Variants in CPA3 observed in about 807,000 individuals in gnomAD.
CPA3 encodes carboxypeptidase A3.
In CPA3, 52 loss-of-function variants were observed where a neutral mutation model predicts 55.8. That is an observed-to-expected ratio of 0.93 (90% CI 0.75 to 1.17). The LOEUF (loss-of-function observed/expected upper bound fraction) is 1.17. Ranked by LOEUF, CPA3 falls within the 50% of genes most tolerant of loss-of-function variation. The probability of loss-of-function intolerance (pLI) is 0.00; values close to 1 mark genes in which losing one functional copy is unlikely to be tolerated. For missense variants in CPA3, 547 were observed against 509.1 expected (o/e 1.07, Z -0.72); for synonymous variants, 179 against 171.2 (o/e 1.05, Z -0.36).
At chr3:148,883,847 C>T (rs755572535) in intron 9 of CPA3, 32 bp downstream of exon 9, 5 of 1,462,788 alleles carry the variant, frequency 3.4e-6, no homozygotes, top group South Asian at 1.1e-5. Context: ...CTTCATGCAT[C>T]GACAATACCA....
intron 7 of CPA3, 125 bp from the exon 8 acceptor site, chr3:148,882,380 G>A (rs1373987720): frequency 1.0e-5 from 6 of 594,554 alleles, no homozygotes; most frequent in African/African-American, 1.9e-5. Context: ...TTATAATAAA[G>A]GGCCTCAAGT....
chr3:148,873,375 G>A (rs949769677), intron 3 of CPA3, among the ~76,000 whole-genome samples: 58 of 118,972 alleles, frequency 4.9e-4, no homozygotes, highest in Admixed American at 1.0e-3. Flanking sequence ...GCGCGCACAC[G>A]CGCACACACA....
chr3:148,892,198 T>C (rs1170975387), intron 10 of CPA3, among the ~76,000 whole-genome samples: 1 of 152,114 alleles, frequency 6.6e-6, no homozygotes, highest in Non-Finnish European at 1.5e-5. Context: ...CCTCAGGTTC[T>C]CTCCTCAGGT....
chr3:148,879,328 A>G (rs1272168424), intron 5 of CPA3, among the ~76,000 whole-genome samples: 1 of 152,182 alleles, frequency 6.6e-6, no homozygotes, highest in African/African-American at 2.4e-5. Context: ...ACTCTCTTCA[A>G]AATGACAGCC....
intron 5 of CPA3, 103 bp from the exon 6 acceptor site, chr3:148,879,685 A>T: frequency 1.3e-6 from 1 of 756,742 alleles, no homozygotes; most frequent in Non-Finnish European, 2.3e-6. Flanking sequence ...TCAACAATAG[A>T]CAGGGGAAAT....
chr3:148,891,258 T>C (rs4681161), intron 10 of CPA3, among the ~76,000 whole-genome samples: 66,688 of 152,020 alleles, frequency 0.44, 16,730 homozygotes, highest in Non-Finnish European at 0.56. Context: ...ATTTTATAAA[T>C]GCATACACAT....
intron 2 of CPA3, among the ~76,000 whole-genome samples, chr3:148,866,298 T>G (rs1713898489): frequency 6.6e-6 from 1 of 152,202 alleles, no homozygotes; most frequent in East Asian, 1.9e-4. Context: ...CCCTGCCTAT[T>G]CTAACTCCCA....
intron 10 of CPA3, 118 bp from the exon 11 acceptor site, chr3:148,896,402 A>T: frequency 1.3e-6 from 1 of 741,774 alleles, no homozygotes; most frequent in Non-Finnish European, 2.1e-6. Flanking sequence ...CTCATTCATT[A>T]CTGCAATTAA....
At chr3:148,887,793 G>T (rs1192318808) in intron 10 of CPA3, among the ~76,000 whole-genome samples, 1 of 152,166 alleles carries the variant, frequency 6.6e-6, no homozygotes, top group Non-Finnish European at 1.5e-5. Context: ...TTATGCTTCA[G>T]ATTTCCTCTT....
At chr3:148,876,052 C>G (rs1010665164) in intron 3 of CPA3, among the ~76,000 whole-genome samples, 6 of 151,642 alleles carry the variant, frequency 4.0e-5, no homozygotes, top group Non-Finnish European at 7.4e-5. Context: ...ACAGAAAATA[C>G]CCTAAAAACA....
intron 10 of CPA3, among the ~76,000 whole-genome samples, chr3:148,891,540 T>C (rs796185967): frequency 9.2e-5 from 14 of 152,026 alleles, no homozygotes; most frequent in South Asian, 4.1e-4. Context: ...ACAAATTCTA[T>C]ATTTTTTTCT....
chr3:148,885,215 G>A (rs1329763584), intron 9 of CPA3, among the ~76,000 whole-genome samples: 1 of 151,758 alleles, frequency 6.6e-6, no homozygotes, highest in African/African-American at 2.4e-5. Context: ...TAGGGACCAA[G>A]GAATGTAAAA....
chr3:148,884,417 G>C (rs1462600928), intron 9 of CPA3, among the ~76,000 whole-genome samples: 1 of 152,154 alleles, frequency 6.6e-6, no homozygotes, highest in Non-Finnish European at 1.5e-5. Context: ...TGAATCACAG[G>C]AAGTGACAGA....
intron 10 of CPA3, among the ~76,000 whole-genome samples, chr3:148,886,641 G>T (rs1032722643): frequency 1.3e-5 from 2 of 152,152 alleles, no homozygotes; most frequent in African/African-American, 4.8e-5. Flanking sequence ...ACTGCCATGA[G>T]CTGTGATCGT....
chr3:148,882,621 A>C, intron 8 of CPA3, 26 bp downstream of exon 8: 2 of 1,582,636 alleles, frequency 1.3e-6, no homozygotes, highest in Non-Finnish European at 1.7e-6. Context: ...GCTATCAAGG[A>C]AAATTGCTAT....
At chr3:148,882,384 C>A in intron 7 of CPA3, 121 bp from the exon 8 acceptor site, 2 of 626,382 alleles carry the variant, frequency 3.2e-6, no homozygotes, top group Non-Finnish European at 5.5e-6. Context: ...AATAAAGGGC[C>A]TCAAGTTAAC....
intron 9 of CPA3, among the ~76,000 whole-genome samples, chr3:148,884,437 T>G (rs1714469074): frequency 6.6e-6 from 1 of 152,078 alleles, no homozygotes; most frequent in South Asian, 2.1e-4. Flanking sequence ...AGTGAATGGG[T>G]GCATAGAGGG....
At chr3:148,872,176 A>T (rs936605890) in intron 3 of CPA3, among the ~76,000 whole-genome samples, 4 of 152,242 alleles carry the variant, frequency 2.6e-5, no homozygotes, top group Admixed American at 2.6e-4. Context: ...TTACAAAATC[A>T]TAAAAGGCCA....
At position 148,883,741 on chromosome 3, in the gene CPA3, T is replaced by C; in HGVS notation, c.907T>C (p.Phe303Leu). ...HLNEIKVYITFHSYSQMLLFP... is the reference protein window; with the variant it reads ...HLNEIKVYITLHSYSQMLLFP... ...GAATGAAATCAAGGTTTACATCACC[T>C]TCCATTCCTACTCCCAGATGCTATT... The change falls in exon 9 of 11, where the codon TTC (phenylalanine) becomes CTC (leucine). Residue 303 changes from phenylalanine (F) to leucine (L), a missense_variant. Coordinates refer to ENST00000296046, the MANE Select transcript of CPA3 (RefSeq NM_001870.4). The C allele has an allele frequency of 6.2e-7, 1 of 1,614,106 alleles. No individual in the cohort carries two copies. The highest frequency in any genetic ancestry group is 8.5e-7 in the Non-Finnish European group (1 of 1,179,966).
Sources: allele counts gnomAD v4.1 joint callset (sites outside exome capture counted in the v4.1 genomes callset), GRCh38; gene constraint gnomAD v4.1.1; transcripts MANE v1.5; gene names NCBI Gene and HGNC (gene_info 2026-07-23, HGNC 2026-07-21).